The following TRAPPC9 variants were observed in gnomAD, a reference collection of about 807,000 sequenced individuals.
The protein encoded by TRAPPC9 is IKK2 binding protein.
A neutral mutation model predicts 124.0 loss-of-function variants in TRAPPC9; 83 were observed. The observed-to-expected ratio is 0.67, with a 90% CI of 0.56 to 0.80. The LOEUF (loss-of-function observed/expected upper bound fraction) is 0.80. Ranked by LOEUF, TRAPPC9 falls within the 30% of genes least tolerant of loss-of-function variation. The pLI is 0.00. For synonymous variants in TRAPPC9, 638 were observed against 617.5 expected (o/e 1.03, Z -0.49); for missense variants, 1,302 against 1,508.3 (o/e 0.86, Z 2.27).
chr8:140,325,709 C>T (rs1417648884), intron 9 of TRAPPC9, among the ~76,000 whole-genome samples: 1 of 152,172 alleles, frequency 6.6e-6, no homozygotes, highest in Non-Finnish European at 1.5e-5. Flanking sequence ...CAATCTCATA[C>T]AAACTCTTTC....
At chr8:140,288,795 A>G (rs1173256410) in intron 12 of TRAPPC9, among the ~76,000 whole-genome samples, 2 of 152,256 alleles carry the variant, frequency 1.3e-5, no homozygotes, top group Non-Finnish European at 2.9e-5. Context: ...ACATTAGAAT[A>G]AACCTAACAA....
intron 7 of TRAPPC9, among the ~76,000 whole-genome samples, chr8:140,380,939 T>C (rs965615047): frequency 6.6e-6 from 1 of 152,122 alleles, no homozygotes; most frequent in African/African-American, 2.4e-5. Context: ...GCATGGTGGT[T>C]CATGCCTGTA....
chr8:139,908,588 G>C (rs530185113), intron 20 of TRAPPC9: 4 of 152,346 alleles, frequency 2.6e-5, no homozygotes, highest in African/African-American at 4.8e-5. Context: ...CCTGAGACTC[G>C]GGGGTGAGCA....
At chr8:140,195,641 C>A (rs1016058885) in intron 17 of TRAPPC9, among the ~76,000 whole-genome samples, 1 of 151,896 alleles carries the variant, frequency 6.6e-6, no homozygotes, top group African/African-American at 2.4e-5. Context: ...ACCTGTGACA[C>A]TAAAACACAC....
At chr8:139,985,186 G>A (rs1296264212) in intron 19 of TRAPPC9, among the ~76,000 whole-genome samples, 1 of 152,168 alleles carries the variant, frequency 6.6e-6, no homozygotes, top group African/African-American at 2.4e-5. Flanking sequence ...AGACTAAATT[G>A]TGATTATTTG....
At chr8:140,334,649 C>CTAAATAAATAAA (rs61689098) in intron 9 of TRAPPC9, among the ~76,000 whole-genome samples, 16 of 145,940 alleles carry the variant, frequency 1.1e-4, no homozygotes, top group African/African-American at 1.5e-4. Context: ...GACTCTGTCA[C>CTAAATAAATAAA]TAAATAAATA....
chr8:140,455,449 T>A (rs1257679738), intron 1 of TRAPPC9, among the ~76,000 whole-genome samples: 2 of 151,524 alleles, frequency 1.3e-5, no homozygotes, highest in East Asian at 3.9e-4. Context: ...TTTGTTGTTT[T>A]GAGATGGAGT....
At chr8:140,258,294 G>A (rs950869423) in intron 15 of TRAPPC9, among the ~76,000 whole-genome samples, 6 of 152,220 alleles carry the variant, frequency 3.9e-5, no homozygotes, top group African/African-American at 4.8e-5. Context: ...TGTTCTCCGC[G>A]TTCACACGCT....
At chr8:140,354,892 A>G (rs2132143778) in intron 9 of TRAPPC9, among the ~76,000 whole-genome samples, 1 of 152,208 alleles carries the variant, frequency 6.6e-6, no homozygotes, top group East Asian at 1.9e-4. Flanking sequence ...AGAGGCTGAG[A>G]TGAGTGGAAA....
intron 19 of TRAPPC9, among the ~76,000 whole-genome samples, chr8:139,928,217 T>A (rs1407157085): frequency 6.6e-6 from 1 of 152,096 alleles, no homozygotes; most frequent in Admixed American, 6.5e-5. Context: ...TTGGGTTGGG[T>A]ACAGTGGCTC....
intron 17 of TRAPPC9, among the ~76,000 whole-genome samples, chr8:140,210,770 C>T (rs972403803): frequency 2.0e-5 from 3 of 152,160 alleles, no homozygotes; most frequent in Admixed American, 6.5e-5. Flanking sequence ...TTCTCTCCCC[C>T]GGCTCTACTG....
chr8:140,324,543 G>T (rs1186356744), intron 9 of TRAPPC9, among the ~76,000 whole-genome samples: 1 of 152,212 alleles, frequency 6.6e-6, no homozygotes. Flanking sequence ...GGCCAAGGCA[G>T]GAGGATTGCT....
Position 139,760,210 on chromosome 8 carries a change from C to T in TRAPPC9, c.3056-28008G>A, listed in dbSNP as rs555668669. 3.3e-5 allele frequency among the ~76,000 whole-genome samples: 5 copies of T among 152,092 alleles called. No individual in the cohort carries two copies. The East Asian group carries it at 5.8e-4, about 18-fold the overall frequency. ...CTGTGAGTAGGGGAAGGAGGGTGGA[C>T]GTGGACCCTTCGCTCTCCATCCTTG... On this transcript the variant is annotated intron_variant, in intron 21 of 22. Transcript: ENST00000438773.
chr8:139,746,633 T>C (rs1818913370), intron 21 of TRAPPC9, among the ~76,000 whole-genome samples: 1 of 152,222 alleles, frequency 6.6e-6, no homozygotes, highest in Non-Finnish European at 1.5e-5. Context: ...AAAAGCTGCC[T>C]GCACCAAGAA....
intron 17 of TRAPPC9, among the ~76,000 whole-genome samples, chr8:140,079,295 G>A (rs1285438736): frequency 1.3e-5 from 2 of 152,110 alleles, no homozygotes; most frequent in East Asian, 3.9e-4. Flanking sequence ...TAATACAGAT[G>A]GCCAGAAGCA....
At chr8:140,295,387 G>A (rs1452452193) in intron 11 of TRAPPC9, among the ~76,000 whole-genome samples, 2 of 152,196 alleles carry the variant, frequency 1.3e-5, no homozygotes, top group East Asian at 1.9e-4. Context: ...AGCTGTCCAC[G>A]GTCACACAGT....
chr8:139,955,291 T>G (rs1438485436), intron 19 of TRAPPC9, among the ~76,000 whole-genome samples: 1 of 152,108 alleles, frequency 6.6e-6, no homozygotes, highest in Non-Finnish European at 1.5e-5. Flanking sequence ...TCTTGTTCAC[T>G]GGGTTCTTGA....
intron 16 of TRAPPC9, among the ~76,000 whole-genome samples, chr8:140,230,947 G>T (rs754083471): frequency 8.5e-5 from 13 of 152,116 alleles, no homozygotes; most frequent in Admixed American, 3.3e-4. Context: ...CCCTTTTAGG[G>T]GGTCCCTCTG....
chr8:139,813,827 A>T (rs529779656), intron 21 of TRAPPC9, among the ~76,000 whole-genome samples: 4 of 152,286 alleles, frequency 2.6e-5, no homozygotes, highest in Admixed American at 2.6e-4. Flanking sequence ...CAAAAACCAC[A>T]TGGTGACAGC....
Sources: allele counts gnomAD v4.1 joint callset (sites outside exome capture counted in the v4.1 genomes callset), GRCh38; gene constraint gnomAD v4.1.1; transcripts MANE v1.5; gene names NCBI Gene and HGNC (gene_info 2026-07-23, HGNC 2026-07-21).